UMAD1: variants seen among roughly 807,000 people sequenced by gnomAD.
UMAD1 encodes UBAP1-MVB12-associated (UMA)-domain containing protein 1.
A neutral mutation model predicts 6.1 loss-of-function variants in UMAD1; 8 were observed. The ratio of observed to expected loss-of-function variants is 1.30; its 90% confidence interval spans 0.76 to 2.35. The LOEUF (loss-of-function observed/expected upper bound fraction) is 2.35, where lower values mean the gene tolerates loss of function less well. Ranked by LOEUF, UMAD1 falls within the 30% of genes most tolerant of loss-of-function variation. The pLI is 0.00. For synonymous variants in UMAD1, 56 were observed against 31.4 expected, an observed-to-expected ratio of 1.78 and a Z score of -2.61; for missense variants, 130 against 78.4, an observed-to-expected ratio of 1.66 and a Z score of -2.49.
intron 1 of UMAD1, among the ~76,000 whole-genome samples, chr7:7,666,020 C>T (rs1386182229): frequency 6.6e-6 from 1 of 151,880 alleles, no homozygotes; most frequent in Non-Finnish European, 1.5e-5. Flanking sequence ...CCTACGTTTT[C>T]ATTTCCTAAG....
At chr7:7,708,917 GT>G (rs1780677767) in intron 2 of UMAD1, among the ~76,000 whole-genome samples, 1 of 152,042 alleles carries the variant, frequency 6.6e-6, no homozygotes, top group African/African-American at 2.4e-5. Context: ...GTGTGTTTGT[GT>G]TTGTGTGTCT....
At chr7:7,779,555 T>C (rs367881392) in intron 2 of UMAD1, among the ~76,000 whole-genome samples, 11 of 152,212 alleles carry the variant, frequency 7.2e-5, no homozygotes, top group African/African-American at 2.4e-4. Flanking sequence ...ATCCTTCCAC[T>C]TTAAAGTACT....
At chr7:7,706,140 GTGT>G (rs1361422277) in intron 2 of UMAD1, among the ~76,000 whole-genome samples, 2 of 152,182 alleles carry the variant, frequency 1.3e-5, no homozygotes, top group African/African-American at 4.8e-5. Flanking sequence ...TATCTCAATA[GTGT>G]TGTGTATGTT....
intron 2 of UMAD1, among the ~76,000 whole-genome samples, chr7:7,702,888 C>G (rs1361222314): frequency 6.6e-6 from 1 of 152,184 alleles, no homozygotes; most frequent in East Asian, 1.9e-4. Flanking sequence ...GCTTCACCCA[C>G]CTGTACAACT....
Position 7,660,428 on chromosome 7 carries a change from A to C in UMAD1, c.-63-12881A>C, listed in dbSNP as rs964478147. Among the ~76,000 whole-genome samples the C allele has an allele frequency of 2.6e-5, 4 of 152,192 alleles. No homozygotes were observed. The East Asian group carries it at 5.8e-4, about 22-fold the overall frequency. On this transcript the variant is annotated intron_variant, in intron 1 of 3. Transcript: ENST00000682710. ...TCTTTACAATTTGGTATGTTTTTGC[A>C]GTGGCTGGTACCTGTTGTTCCTTTC...
At chr7:7,652,204 T>G (rs1356517056) in intron 1 of UMAD1, among the ~76,000 whole-genome samples, 1 of 152,240 alleles carries the variant, frequency 6.6e-6, no homozygotes, top group African/African-American at 2.4e-5. Context: ...TGTTTTACAT[T>G]GCTCGTTTGC....
chr7:7,750,498 A>G (rs1781656943), intron 2 of UMAD1, among the ~76,000 whole-genome samples: 1 of 152,164 alleles, frequency 6.6e-6, no homozygotes, highest in South Asian at 2.1e-4. Flanking sequence ...AATTAGAATA[A>G]CTACCTGATT....
intron 2 of UMAD1, among the ~76,000 whole-genome samples, chr7:7,720,620 A>G: frequency 6.6e-6 from 1 of 152,230 alleles, no homozygotes; most frequent in East Asian, 1.9e-4. Context: ...TGGTAATTAT[A>G]AAAAGACTTT....
chr7:7,697,805 C>T (rs183436704), intron 2 of UMAD1, among the ~76,000 whole-genome samples: 10 of 152,210 alleles, frequency 6.6e-5, no homozygotes, highest in Admixed American at 3.9e-4. Context: ...GGTGCATGTA[C>T]TCTTGGGTAT....
intron 3 of UMAD1, among the ~76,000 whole-genome samples, chr7:7,805,258 C>T (rs1782888975): frequency 6.6e-6 from 1 of 152,102 alleles, no homozygotes; most frequent in Admixed American, 6.5e-5. Flanking sequence ...CTATTGATAC[C>T]TGGCCCCACC....
chr7:7,788,039 G>T (rs1329256655), intron 2 of UMAD1, among the ~76,000 whole-genome samples: 1 of 152,182 alleles, frequency 6.6e-6, no homozygotes, highest in Non-Finnish European at 1.5e-5. Context: ...TCGGGAAACA[G>T]CCGTTTAGTC....
At chr7:7,724,740 C>T (rs1781109780) in intron 2 of UMAD1, among the ~76,000 whole-genome samples, 1 of 152,220 alleles carries the variant, frequency 6.6e-6, no homozygotes, top group African/African-American at 2.4e-5. Context: ...ATTGCTTGAG[C>T]AAATTAATAC....
rs1034609905 is a variant in UMAD1 at position 7,694,764 on chromosome 7, C to T, written c.82+21311C>T. Among the ~76,000 whole-genome samples the T allele has an allele frequency of 2.6e-5, 4 of 152,264 alleles. No individual in the cohort carries two copies. In the South Asian group the frequency reaches 8.3e-4, roughly 32 times the overall value. On this transcript the variant is annotated intron_variant, in intron 2 of 3. Coordinates refer to ENST00000682710, the MANE Select transcript of UMAD1 (RefSeq NM_001302348.2). ...AGTACTCCATTGTGCATACGTACCA[C>T]GTTTTCTTCATCCATTCATCTTTTG...
At chr7:7,655,100 G>T (rs1183675080) in intron 1 of UMAD1, among the ~76,000 whole-genome samples, 1 of 152,092 alleles carries the variant, frequency 6.6e-6, no homozygotes, top group South Asian at 2.1e-4. Flanking sequence ...AATGATTCCA[G>T]ACAGTTCCTG....
chr7:7,831,526 T>G (rs1031210463), intron 3 of UMAD1, among the ~76,000 whole-genome samples: 2 of 152,138 alleles, frequency 1.3e-5, no homozygotes, highest in African/African-American at 2.4e-5. Context: ...CTTCTGAAAT[T>G]GGATTACTTA....
intron 1 of UMAD1, among the ~76,000 whole-genome samples, chr7:7,669,238 G>A (rs532497571): frequency 1.3e-5 from 2 of 152,268 alleles, no homozygotes; most frequent in South Asian, 4.1e-4. Context: ...TGGATAAGGA[G>A]GAAACGATTG....
intron 2 of UMAD1, among the ~76,000 whole-genome samples, chr7:7,782,447 T>C (rs1022005987): frequency 1.3e-5 from 2 of 152,178 alleles, no homozygotes; most frequent in African/African-American, 4.8e-5. Context: ...TCCTCAGAGA[T>C]AAGAAAATGT....
chr7:7,660,902 A>G (rs1171564120), intron 1 of UMAD1, among the ~76,000 whole-genome samples: 1 of 152,164 alleles, frequency 6.6e-6, no homozygotes, highest in East Asian at 1.9e-4. Context: ...GTGTTTTCCA[A>G]CTTGGTTCTA....
intron 3 of UMAD1, among the ~76,000 whole-genome samples, chr7:7,831,119 T>C (rs1783457194): frequency 6.6e-6 from 1 of 152,218 alleles, no homozygotes; most frequent in Non-Finnish European, 1.5e-5. Context: ...CTAGTATTAA[T>C]TGGATTCTCC....
Sources: gnomAD v4.1 joint callset for allele counts (sites outside exome capture counted in the v4.1 genomes callset) on GRCh38, gnomAD v4.1.1 for gene constraint, MANE v1.5 for transcripts, NCBI Gene and HGNC (gene_info 2026-07-23, HGNC 2026-07-21) for gene names.